Variants in ATAD2 observed in about 807,000 individuals in gnomAD.
The protein encoded by ATAD2 is ATPase family AAA domain containing 2.
ATAD2 carries 62 observed loss-of-function variants against 168.9 expected under a neutral mutation model. That is an observed-to-expected ratio of 0.37 (90% CI 0.30 to 0.45). The LOEUF (loss-of-function observed/expected upper bound fraction) is 0.45. Ranked by LOEUF, ATAD2 falls within the 20% of genes least tolerant of loss-of-function variation. ATAD2 has a pLI of 1.00. For synonymous variants in ATAD2, 613 were observed against 571.6 expected (o/e 1.07, Z -1.03); for missense variants, 1,419 against 1,667.8 (o/e 0.85, Z 2.60).
intron 1 of ATAD2, among the ~76,000 whole-genome samples, chr8:123,390,140 G>A (rs1391870131): frequency 7.9e-5 from 12 of 151,144 alleles, no homozygotes; most frequent in Admixed American, 3.3e-4. Context: ...TGCCACATCC[G>A]GCTAATTTTT....
chr8:123,383,637 G>A (rs1485655218), intron 1 of ATAD2, among the ~76,000 whole-genome samples: 5 of 152,164 alleles, frequency 3.3e-5, no homozygotes, highest in Admixed American at 3.3e-4. Flanking sequence ...GCCGGGCGAG[G>A]TGGCGCATGC....
upstream of ATAD2, chr8:123,400,863 C>A (rs1486892195): frequency 1.3e-5 from 18 of 1,399,084 alleles, no homozygotes; most frequent in Non-Finnish European, 1.8e-5. The surrounding 1 kb of genome is among the most constrained non-coding windows in gnomAD (Gnocchi z 4.5). Context: ...ACAACTGCAC[C>A]CCAGAGTTCC....
intron 21 of ATAD2, among the ~76,000 whole-genome samples, chr8:123,336,920 T>C (rs58532081): frequency 0.042 from 6,314 of 152,012 alleles, 432 homozygotes; most frequent in African/African-American, 0.14. Context: ...GACAGGAAGA[T>C]TGCTTGAGGC....
chr8:123,373,037 C>T (rs1473938884), intron 2 of ATAD2, among the ~76,000 whole-genome samples: 1 of 151,946 alleles, frequency 6.6e-6, no homozygotes, highest in Non-Finnish European at 1.5e-5. Flanking sequence ...GGACTATAGG[C>T]TCCTGTCATC....
intron 26 of ATAD2, among the ~76,000 whole-genome samples, chr8:123,323,798 C>G (rs1170927315): frequency 6.6e-6 from 1 of 152,082 alleles, no homozygotes; most frequent in Admixed American, 6.6e-5. Flanking sequence ...CAAGTATATC[C>G]TCTCATAAAA....
chr8:123,407,421 A>G (rs1740614951), intron 1 of ATAD2, among the ~76,000 whole-genome samples: 1 of 152,184 alleles, frequency 6.6e-6, no homozygotes, highest in African/African-American at 2.4e-5. Flanking sequence ...TTTAGGAAAA[A>G]AATAATAATA....
rs1271046826 is a variant in ATAD2, at chr8:123,402,401, C to A, written c.-2281-1226G>T. 6.6e-6 allele frequency among the ~76,000 whole-genome samples: 1 copy of A among 152,084 alleles called. No homozygotes were observed. Among genetic ancestry groups the A allele is most frequent in the Non-Finnish European group, 1.5e-5 (1 of 67,958 alleles). On this transcript the variant is annotated intron_variant, in intron 1 of 28. Coordinates refer to the ATAD2 transcript ENST00000521903. This position sits in a 1 kb window ranked among gnomAD's most constrained non-coding sequence, Gnocchi z 4.8. Reference sequence around the variant, plus strand: ...CTTGCTGCAGCCTGCTGCAGCCTGGCCCCCACCCCAGGGGCAGGCAGCCCC... The same window carrying A: ...CTTGCTGCAGCCTGCTGCAGCCTGGACCCCACCCCAGGGGCAGGCAGCCCC...
chr8:123,378,727 C>CAAAAAAAAAAAAA (rs1554646643), intron 2 of ATAD2, among the ~76,000 whole-genome samples: 15 of 90,998 alleles, frequency 1.6e-4, no homozygotes, highest in African/African-American at 5.6e-4. Flanking sequence ...AAAAAAAAAT[C>CAAAAAAAAAAAAA]AAAATTCCAT....
At chr8:123,328,059 G>T in intron 25 of ATAD2, 131 bp downstream of exon 25, 1 of 702,868 alleles carries the variant, frequency 1.4e-6, no homozygotes, top group Non-Finnish European at 2.0e-6. Context: ...TAATGCTATT[G>T]TTTTCTAATT....
chr8:123,351,015 C>T (rs891839906), intron 13 of ATAD2, among the ~76,000 whole-genome samples: 5 of 151,936 alleles, frequency 3.3e-5, no homozygotes, highest in Admixed American at 6.6e-5. Flanking sequence ...GGATTACAGA[C>T]GTGAGCCACT....
In ATAD2 at chr8:123,321,193, A is replaced by G. The variant is rs1827459485; in HGVS notation, c.4132-18T>C. 1.3e-6 allele frequency: 2 copies of G among 1,598,266 alleles called. No homozygotes were observed. The highest frequency in any genetic ancestry group is 1.1e-5 in the South Asian group (1 of 87,988). On this transcript the variant is annotated intron_variant, in intron 27 of 27. Coordinates refer to ENST00000287394, the MANE Select transcript of ATAD2 (RefSeq NM_014109.4). ...TCCATTTTCTAGATAAAGGGGAGGA[A>G]GAGCAAATAGTAAGTTTCAATATGG...
intron 9 of ATAD2, among the ~76,000 whole-genome samples, chr8:123,360,541 C>T (rs945050448): frequency 2.0e-5 from 3 of 152,078 alleles, no homozygotes; most frequent in African/African-American, 7.2e-5. Flanking sequence ...CGGGGTTTCA[C>T]CATGCTGGAC....
intron 1 of ATAD2, among the ~76,000 whole-genome samples, chr8:123,389,985 T>TATATATATATATATATATATA (rs1554647643): frequency 9.9e-5 from 7 of 70,806 alleles, no homozygotes; most frequent in Non-Finnish European, 1.6e-4. Context: ...TATATATATA[T>TATATATATATATATATATATA]TTTTTTTTTT....
At chr8:123,382,488 G>C (rs1829518921) in intron 1 of ATAD2, among the ~76,000 whole-genome samples, 1 of 152,184 alleles carries the variant, frequency 6.6e-6, no homozygotes, top group African/African-American at 2.4e-5. Context: ...TAGTGTATAA[G>C]ACTTTCATTT....
chr8:123,348,132 A>G (rs1563843022), intron 15 of ATAD2, 51 bp downstream of exon 15: 1 of 1,393,794 alleles, frequency 7.2e-7, no homozygotes, highest in Non-Finnish European at 9.8e-7. Flanking sequence ...AACTTGTTTC[A>G]TATTTGAAAT....
At chr8:123,408,099 A>G (rs764463846) in intron 1 of ATAD2, among the ~76,000 whole-genome samples, 1 of 152,232 alleles carries the variant, frequency 6.6e-6, no homozygotes, top group African/African-American at 2.4e-5. Context: ...GCTTACTTAA[A>G]TTGTATACCA....
At chr8:123,342,102 A>G (rs540028707) in intron 19 of ATAD2, among the ~76,000 whole-genome samples, 5 of 152,284 alleles carry the variant, frequency 3.3e-5, no homozygotes, top group East Asian at 3.9e-4. Flanking sequence ...ATAAATAAAT[A>G]AACAAGTAAA....
chr8:123,411,097 C>T (rs539282664), intron 1 of ATAD2, among the ~76,000 whole-genome samples: 4 of 152,218 alleles, frequency 2.6e-5, no homozygotes, highest in South Asian at 2.1e-4. Flanking sequence ...ATCTTGGAAG[C>T]GGCTTGCCAC....
At chr8:123,361,733 TCCAAAAAG>T in intron 8 of ATAD2, 87 bp from the exon 9 acceptor site, 1 of 1,044,382 alleles carries the variant, frequency 9.6e-7, no homozygotes, top group Non-Finnish European at 1.4e-6. Context: ...TACCTAATGC[TCCAAAAAG>T]TTTATCATAA....
Sources: gnomAD v4.1 joint callset for allele counts (sites outside exome capture counted in the v4.1 genomes callset) on GRCh38, gnomAD v4.1.1 for gene constraint, Gnocchi (gnomAD v3.1) non-coding constraint, MANE v1.5 for transcripts, NCBI Gene and HGNC (gene_info 2026-07-23, HGNC 2026-07-21) for gene names.